MAPK10: variants seen among roughly 807,000 people sequenced by gnomAD.
MAPK10 encodes mitogen-activated protein kinase 10.
MAPK10 carries 25 observed loss-of-function variants against 59.3 expected under a neutral mutation model. The observed-to-expected ratio is 0.42, with a 90% CI of 0.31 to 0.59. The LOEUF is 0.59. Ranked by LOEUF, MAPK10 falls within the 20% of genes least tolerant of loss-of-function variation. MAPK10 has a pLI of 0.15. For synonymous variants in MAPK10, 190 were observed against 200.5 expected (o/e 0.95, Z 0.44); for missense variants, 351 against 568.9 (o/e 0.62, Z 3.90).
At chr4:86,157,712 G>A (rs1380006270) in intron 4 of MAPK10, among the ~76,000 whole-genome samples, 1 of 151,838 alleles carries the variant, frequency 6.6e-6, no homozygotes, top group African/African-American at 2.4e-5. Context: ...CTATAGAAAG[G>A]AGAAATAGAG....
rs190104327 is a variant in MAPK10 at position 86,406,621 on chromosome 4, G to A, written c.-122+46409C>T. 2.8e-3 allele frequency among the ~76,000 whole-genome samples: 431 copies of A among 152,296 alleles called. 3 individuals carry two copies. The highest frequency in any genetic ancestry group is 9.7e-3 in the African/African-American group (402 of 41,560). On this transcript the variant is annotated intron_variant, in intron 1 of 13. Coordinates refer to the MAPK10 transcript ENST00000361569. ...CACAGCTCTGCCATAAACAGTTATA[G>A]CTAACTATTATGCCGAAATCCTATT... is the stretch of plus-strand genomic sequence containing the variant.
At chr4:86,210,700 A>C (rs1320147273) in intron 2 of MAPK10, among the ~76,000 whole-genome samples, 1 of 151,822 alleles carries the variant, frequency 6.6e-6, no homozygotes, top group African/African-American at 2.4e-5. Context: ...TCATACAAAA[A>C]AAAGGGAAGT....
In MAPK10 at chr4:86,260,397, G is replaced by T. The variant is rs1287588559; in HGVS notation, c.-6-65990C>A. Among the ~76,000 whole-genome samples the T allele has an allele frequency of 2.0e-5, 3 of 152,166 alleles. No homozygotes were observed. The East Asian group carries it at 5.8e-4, about 29-fold the overall frequency. ...ATAAATTGCTAAACTTCCAACAGTG[G>T]TTTCTTTCTTTAGGATTTGTACTGC... On this transcript the variant is annotated intron_variant, in intron 2 of 13. Coordinates refer to ENST00000641462, the MANE Select transcript of MAPK10 (RefSeq NM_138982.4).
At chr4:86,421,727 T>C (rs1289753435) in intron 1 of MAPK10, among the ~76,000 whole-genome samples, 3 of 152,208 alleles carry the variant, frequency 2.0e-5, no homozygotes, top group Non-Finnish European at 4.4e-5. Context: ...AGCCTACCAC[T>C]AACTAGCTGC....
At chr4:86,272,028 C>T (rs879507745) in intron 2 of MAPK10, among the ~76,000 whole-genome samples, 41 of 151,986 alleles carry the variant, frequency 2.7e-4, no homozygotes, top group Admixed American at 3.3e-4. Flanking sequence ...TCTATTGTGG[C>T]CATCTTTATG....
rs565021608 is a variant in MAPK10, at chr4:86,279,043, T to A, written c.-7+75487A>T. On this transcript the variant is annotated intron_variant, in intron 2 of 13. Transcript: ENST00000641462. ...AATGTCTCAATGTTCATTTCTTTTT[T>A]TTGGCTTTTCATGGTTATGTAAAGT... is the stretch of plus-strand genomic sequence containing the variant. Among the ~76,000 whole-genome samples, 9 of 152,312 alleles carry A rather than the reference T, an allele frequency of 5.9e-5. No individual in the cohort carries two copies. The East Asian group carries it at 1.5e-3, about 26-fold the overall frequency.
chr4:86,238,789 C>T (rs544067736), intron 2 of MAPK10, among the ~76,000 whole-genome samples: 2 of 152,278 alleles, frequency 1.3e-5, no homozygotes, highest in East Asian at 3.9e-4. Context: ...ATGTCATCTG[C>T]AAACAGAGAC....
chr4:86,547,010 C>G (rs1372119429), intron 1 of MAPK10, among the ~76,000 whole-genome samples: 1 of 152,188 alleles, frequency 6.6e-6, no homozygotes, highest in Non-Finnish European at 1.5e-5. Context: ...CGAGATTGCG[C>G]CACTGCACTC....
At chr4:86,181,328 T>C (rs2076902254) in intron 3 of MAPK10, among the ~76,000 whole-genome samples, 2 of 152,102 alleles carry the variant, frequency 1.3e-5, no homozygotes, top group African/African-American at 2.4e-5. Flanking sequence ...CAGTCCCTTT[T>C]ACTTCTAGTG....
At chr4:86,029,032 C>G in intron 13 of MAPK10, 165 bp downstream of exon 13, 1 of 712,164 alleles carries the variant, frequency 1.4e-6, no homozygotes, top group Admixed American at 1.9e-5. Flanking sequence ...GAATGCCACA[C>G]TGAATATCAA....
intron 1 of MAPK10, among the ~76,000 whole-genome samples, chr4:86,505,259 A>G (rs1755648312): frequency 6.6e-6 from 1 of 152,158 alleles, no homozygotes; most frequent in South Asian, 2.1e-4. Flanking sequence ...GCATCATGCA[A>G]TATGCCCATA....
At chr4:86,404,289 A>T (rs951686767) in intron 1 of MAPK10, among the ~76,000 whole-genome samples, 2 of 152,188 alleles carry the variant, frequency 1.3e-5, no homozygotes, top group East Asian at 3.8e-4. Flanking sequence ...ACAACACTTA[A>T]GAGAGGAAAG....
intron 1 of MAPK10, among the ~76,000 whole-genome samples, chr4:86,541,415 C>T (rs549658441): frequency 3.1e-4 from 47 of 152,216 alleles, no homozygotes; most frequent in Middle Eastern, 3.4e-3. Flanking sequence ...ACCAGATATG[C>T]CTTCCTTGCA....
intron 2 of MAPK10, among the ~76,000 whole-genome samples, chr4:86,205,825 T>C (rs2083707867): frequency 6.6e-6 from 1 of 151,966 alleles, no homozygotes; most frequent in Non-Finnish European, 1.5e-5. Context: ...TTTTCATAAC[T>C]GGGTAAGAGT....
intron 9 of MAPK10, chr4:86,079,594 T>C (rs1579834454): frequency 6.6e-6 from 1 of 152,186 alleles, no homozygotes; most frequent in Non-Finnish European, 1.5e-5. Context: ...TTGGAGATCA[T>C]GTAATTTGGC....
At chr4:86,441,038 A>C (rs1178135982) in intron 1 of MAPK10, among the ~76,000 whole-genome samples, 1 of 152,234 alleles carries the variant, frequency 6.6e-6, no homozygotes, top group East Asian at 1.9e-4. Context: ...AGAAAAACTT[A>C]AAATGTGTTT....
intron 13 of MAPK10, chr4:86,025,587 A>G (rs1328832210): frequency 5.0e-6 from 2 of 397,960 alleles, no homozygotes; most frequent in African/African-American, 4.1e-5. Flanking sequence ...ATTATTTAAG[A>G]GAAAACAGTA....
At chr4:86,086,523 T>C (rs2051902102) in intron 9 of MAPK10, among the ~76,000 whole-genome samples, 1 of 152,074 alleles carries the variant, frequency 6.6e-6, no homozygotes, top group African/African-American at 2.4e-5. Context: ...CCCATAAATA[T>C]ACACAGCTAT....
intron 3 of MAPK10, chr4:86,193,175 A>C (rs2080355230): frequency 1.3e-5 from 2 of 156,690 alleles, no homozygotes; most frequent in Admixed American, 6.5e-5. Flanking sequence ...GCCAGATGCC[A>C]GCTGGAGCTC....
Sources: allele counts gnomAD v4.1 joint callset (sites outside exome capture counted in the v4.1 genomes callset), GRCh38; gene constraint gnomAD v4.1.1; transcripts MANE v1.5; gene names NCBI Gene and HGNC (gene_info 2026-07-23, HGNC 2026-07-21).